The following TOX2 variants were observed in gnomAD, a reference collection of about 807,000 sequenced individuals.
The protein encoded by TOX2 is TOX high mobility group box family member 2, also known as granulosa cell HMG box 1.
TOX2 carries 15 observed loss-of-function variants against 47.4 expected under a neutral mutation model. That is an observed-to-expected ratio of 0.32 (90% confidence interval 0.21 to 0.49). The LOEUF is 0.49. TOX2 is among the 20% of genes least tolerant of loss of function. TOX2 has a pLI of 0.99. For missense variants in TOX2, 622 were observed against 673.1 expected (o/e 0.92, Z 0.84); for synonymous variants, 290 against 296.6 (o/e 0.98, Z 0.23).
chr20:44,054,590 C>G, intron 5 of TOX2, 64 bp downstream of exon 5: 1 of 1,513,818 alleles, frequency 6.6e-7, no homozygotes, highest in East Asian at 2.4e-5. Flanking sequence ...CAAGGACACA[C>G]TTTGAAGGTC....
intron 1 of TOX2, among the ~76,000 whole-genome samples, chr20:43,959,997 C>A (rs952040991): frequency 3.3e-5 from 5 of 152,168 alleles, no homozygotes; most frequent in African/African-American, 1.2e-4. Flanking sequence ...TTCATTCCAC[C>A]CCTTCCTAGC....
At chr20:43,953,434 G>A (rs1225104042) in intron 1 of TOX2, among the ~76,000 whole-genome samples, 5 of 152,134 alleles carry the variant, frequency 3.3e-5, no homozygotes, top group Admixed American at 3.3e-4. Flanking sequence ...ACAGGCAGAG[G>A]TGTCTCTTAA....
At chr20:44,012,627 G>A (rs2070796733) in intron 3 of TOX2, among the ~76,000 whole-genome samples, 1 of 152,158 alleles carries the variant, frequency 6.6e-6, no homozygotes, top group Non-Finnish European at 1.5e-5. Flanking sequence ...TCTTGGACAA[G>A]TTACTTCTCT....
chr20:44,034,549 A>C (rs1169261810), intron 3 of TOX2, among the ~76,000 whole-genome samples: 2 of 152,218 alleles, frequency 1.3e-5, no homozygotes, highest in African/African-American at 2.4e-5. Flanking sequence ...AGGGCAGCTC[A>C]AGACAGAGGC....
At chr20:43,923,820 C>G (rs966629508) in intron 1 of TOX2, among the ~76,000 whole-genome samples, 2 of 152,108 alleles carry the variant, frequency 1.3e-5, no homozygotes, top group Non-Finnish European at 2.9e-5. Flanking sequence ...GGAAGGGGTG[C>G]ACCTGCAGGG....
At chr20:43,917,245 G>A (rs2145824881) in intron 1 of TOX2, among the ~76,000 whole-genome samples, 1 of 152,214 alleles carries the variant, frequency 6.6e-6, no homozygotes, top group African/African-American at 2.4e-5. Context: ...AAGTGGGCAT[G>A]GCCTTAGTGG....
chr20:43,978,082 T>C (rs1403908048), intron 2 of TOX2, among the ~76,000 whole-genome samples: 3 of 152,130 alleles, frequency 2.0e-5, no homozygotes, highest in Admixed American at 1.3e-4. Flanking sequence ...ATGAGGTGTG[T>C]GTGTATTGTG....
intron 1 of TOX2, among the ~76,000 whole-genome samples, chr20:43,964,875 C>T (rs2069823736): frequency 6.6e-6 from 1 of 152,168 alleles, no homozygotes; most frequent in Admixed American, 6.5e-5. Flanking sequence ...ATATTCCCTG[C>T]TCCTTGCCTA....
intron 3 of TOX2, among the ~76,000 whole-genome samples, chr20:44,036,902 T>C (rs2071250414): frequency 6.6e-6 from 1 of 152,246 alleles, no homozygotes. Context: ...CCTTGGAGGC[T>C]CCCTCCTGGC....
intron 1 of TOX2, among the ~76,000 whole-genome samples, chr20:43,965,676 T>C (rs373423417): frequency 1.3e-5 from 2 of 152,208 alleles, no homozygotes; most frequent in South Asian, 2.1e-4. Context: ...ATGTGCCTGG[T>C]ACACGATACA....
In TOX2 at chr20:43,991,914, C is replaced by T. The variant is rs112983868; in HGVS notation, c.166-14633C>T. Among the ~76,000 whole-genome samples, 661 of 152,184 alleles carry T rather than the reference C, an allele frequency of 4.3e-3. 3 individuals carry two copies. Among genetic ancestry groups the T allele is most frequent in the African/African-American group, 0.013 (530 of 41,532 alleles). On this transcript the variant is annotated intron_variant, in intron 2 of 8. Transcript: ENST00000341197. ...CCTCCCAAAGTGCTAGGATTACAGA[C>T]GTGAGCCACTGCAGCCAGCCATAAT... is the stretch of plus-strand genomic sequence containing the variant.
chr20:43,979,962 G>C (rs567483841), intron 2 of TOX2, among the ~76,000 whole-genome samples: 1 of 152,340 alleles, frequency 6.6e-6, no homozygotes, highest in Non-Finnish European at 1.5e-5. Flanking sequence ...GTGGAGAACA[G>C]TTTGGAGGTT....
chr20:43,954,480 G>A (rs759218957), intron 1 of TOX2, among the ~76,000 whole-genome samples: 2 of 152,158 alleles, frequency 1.3e-5, no homozygotes, highest in African/African-American at 2.4e-5. Context: ...CTTGCTTCTC[G>A]TTGTGTCCCA....
At chr20:44,028,442 A>T (rs1333176424) in intron 3 of TOX2, among the ~76,000 whole-genome samples, 1 of 152,202 alleles carries the variant, frequency 6.6e-6, no homozygotes, top group Non-Finnish European at 1.5e-5. Flanking sequence ...CCCTCGCTGC[A>T]GCGCTTAGAG....
intron 1 of TOX2, among the ~76,000 whole-genome samples, chr20:43,923,974 C>G (rs1442508646): frequency 1.3e-5 from 2 of 152,132 alleles, no homozygotes; most frequent in Non-Finnish European, 1.5e-5. Context: ...ACTGCCCAAG[C>G]CTTTGATTTC....
At chr20:43,966,846 GA>G (rs1416026396) in intron 1 of TOX2, among the ~76,000 whole-genome samples, 1 of 152,116 alleles carries the variant, frequency 6.6e-6, no homozygotes, top group African/African-American at 2.4e-5. Context: ...GAGGGTCCTG[GA>G]TATAGGCTAA....
intron 5 of TOX2, among the ~76,000 whole-genome samples, chr20:44,062,849 A>G (rs2071745132): frequency 6.6e-6 from 1 of 152,202 alleles, no homozygotes; most frequent in African/African-American, 2.4e-5. Flanking sequence ...CCTTACAACC[A>G]ACTGATCTTT....
intron 1 of TOX2, chr20:43,955,116 C>A: frequency 5.3e-6 from 2 of 375,422 alleles, no homozygotes; most frequent in Non-Finnish European, 7.3e-6. Flanking sequence ...TCATATGTTC[C>A]ACTGCAGAAA....
chr20:43,966,370 G>A lies in TOX2; in HGVS notation c.100-6997G>A, dbSNP rs537131990. On this transcript the variant is annotated intron_variant, in intron 1 of 8. Transcript: ENST00000341197. ...CAAGACAGTGTTAAGGTTGGAGTTT[G>A]TAGCCAGAAATAAAGAAGGGCCTAG... is the stretch of plus-strand genomic sequence containing the variant. 6.7e-4 allele frequency among the ~76,000 whole-genome samples: 102 copies of A among 152,312 alleles called. No individual in the cohort carries two copies. The South Asian group carries it at 7.1e-3, about 11-fold the overall frequency.
Sources: gnomAD v4.1 joint callset for allele counts (sites outside exome capture counted in the v4.1 genomes callset) on GRCh38, gnomAD v4.1.1 for gene constraint, MANE v1.5 for transcripts, NCBI Gene and HGNC (gene_info 2026-07-23, HGNC 2026-07-21) for gene names.